The following CACNA2D3 variants were observed in gnomAD, a reference collection of about 807,000 sequenced individuals.
CACNA2D3 encodes the protein calcium voltage-gated channel auxiliary subunit alpha2delta 3.
In CACNA2D3, 60 loss-of-function variants were observed where a neutral mutation model predicts 160.6. The observed-to-expected ratio is 0.37, with a 90% CI of 0.30 to 0.46. CACNA2D3 has a LOEUF of 0.46. Among genes scored for constraint, CACNA2D3 ranks in the 20% least tolerant of loss-of-function variants. The pLI is 1.00. For missense variants in CACNA2D3, 1,205 were observed against 1,365.0 expected (o/e 0.88, Z 1.85); for synonymous variants, 558 against 492.9 (o/e 1.13, Z -1.75).
At chr3:54,963,361 G>T (rs1431375383) in intron 27 of CACNA2D3, among the ~76,000 whole-genome samples, 1 of 151,960 alleles carries the variant, frequency 6.6e-6, no homozygotes, top group Non-Finnish European at 1.5e-5. Flanking sequence ...GTTCCTTCTG[G>T]GATCACTGGT....
chr3:54,529,579 C>A (rs1270064250), intron 5 of CACNA2D3, among the ~76,000 whole-genome samples: 5 of 152,154 alleles, frequency 3.3e-5, no homozygotes, highest in Non-Finnish European at 5.9e-5. Flanking sequence ...ATGTTCCTCC[C>A]AGTTGCTGTG....
intron 12 of CACNA2D3, among the ~76,000 whole-genome samples, chr3:54,755,902 T>C (rs896626322): frequency 6.6e-6 from 1 of 152,206 alleles, no homozygotes; most frequent in South Asian, 2.1e-4. Flanking sequence ...TCATGGGTTA[T>C]TGTTTTTACC....
intron 3 of CACNA2D3, among the ~76,000 whole-genome samples, chr3:54,322,984 T>G (rs1704038786): frequency 6.6e-6 from 1 of 152,214 alleles, no homozygotes; most frequent in Non-Finnish European, 1.5e-5. Flanking sequence ...GTAATTACGC[T>G]TGATGCTCGA....
At chr3:54,837,310 CTT>C in intron 15 of CACNA2D3, 80 bp downstream of exon 15, 1 of 1,150,282 alleles carries the variant, frequency 8.7e-7, no homozygotes, top group African/African-American at 1.5e-5. Context: ...GCTCTGGTGA[CTT>C]TTGATTTTTA....
At chr3:54,641,986 T>C in intron 10 of CACNA2D3, 142 bp from the exon 11 acceptor site, 1 of 508,408 alleles carries the variant, frequency 2.0e-6, no homozygotes, top group Non-Finnish European at 3.5e-6. Context: ...GGAAAGACTT[T>C]TTGTATAGGT....
intron 27 of CACNA2D3, among the ~76,000 whole-genome samples, chr3:54,913,367 C>T (rs770624476): frequency 3.3e-5 from 5 of 152,170 alleles, no homozygotes; most frequent in South Asian, 2.1e-4. Context: ...TCCTAATTTC[C>T]GTGGCCCTCG....
chr3:54,538,915 C>T (rs180693607), intron 5 of CACNA2D3, among the ~76,000 whole-genome samples: 9 of 152,298 alleles, frequency 5.9e-5, no homozygotes, highest in Non-Finnish European at 1.5e-5. Flanking sequence ...ACGTTGGTTT[C>T]TGTCAATAAA....
chr3:55,022,780 A>G (rs1391867048), intron 35 of CACNA2D3, among the ~76,000 whole-genome samples: 2 of 148,144 alleles, frequency 1.4e-5, no homozygotes, highest in Non-Finnish European at 3.0e-5. Context: ...CCTTTTTACG[A>G]TGTTTCAATT....
chr3:54,385,720 C>T (rs1699176187), intron 3 of CACNA2D3, among the ~76,000 whole-genome samples: 1 of 151,982 alleles, frequency 6.6e-6, no homozygotes, highest in East Asian at 1.9e-4. Flanking sequence ...AATTTGTGAC[C>T]GTTTAGAGAT....
chr3:54,706,154 G>A (rs1379791566), intron 11 of CACNA2D3, among the ~76,000 whole-genome samples: 1 of 152,200 alleles, frequency 6.6e-6, no homozygotes, highest in Non-Finnish European at 1.5e-5. Context: ...AGACCCAGCA[G>A]TGCACTATTT....
intron 3 of CACNA2D3, chr3:54,385,895 T>C (rs1276635959): frequency 4.0e-6 from 2 of 502,742 alleles, no homozygotes; most frequent in East Asian, 5.5e-5. Context: ...TAGTTTGATA[T>C]AATTTCAGTG....
intron 3 of CACNA2D3, among the ~76,000 whole-genome samples, chr3:54,332,739 G>A (rs1003780148): frequency 5.3e-5 from 8 of 152,132 alleles, no homozygotes; most frequent in African/African-American, 1.7e-4. Flanking sequence ...ACCTTCATTC[G>A]TCCAAGGCCT....
At chr3:54,852,379 T>C (rs1179297067) in intron 17 of CACNA2D3, among the ~76,000 whole-genome samples, 1 of 152,246 alleles carries the variant, frequency 6.6e-6, no homozygotes, top group East Asian at 1.9e-4. Context: ...ACCTGAGCAC[T>C]TAGGTCATCT....
At chr3:54,601,021 G>A (rs1193503773) in intron 9 of CACNA2D3, among the ~76,000 whole-genome samples, 2 of 152,114 alleles carry the variant, frequency 1.3e-5, no homozygotes, top group Non-Finnish European at 2.9e-5. Context: ...GATCCAGAGT[G>A]GCTAACCAAG....
intron 3 of CACNA2D3, among the ~76,000 whole-genome samples, chr3:54,376,613 T>C (rs6445649): frequency 0.89 from 135,615 of 152,182 alleles, 60,659 homozygotes; most frequent in African/African-American, 0.97. Context: ...TATTTGCCTC[T>C]TCTCCCAACT....
intron 2 of CACNA2D3, among the ~76,000 whole-genome samples, chr3:54,216,303 G>A (rs1344057498): frequency 2.0e-5 from 3 of 152,222 alleles, no homozygotes; most frequent in African/African-American, 4.8e-5. Context: ...CAATCTTCTT[G>A]CAATAATACA....
intron 9 of CACNA2D3, among the ~76,000 whole-genome samples, chr3:54,591,828 C>T (rs141278438): frequency 4.0e-3 from 403 of 101,840 alleles, no homozygotes; most frequent in African/African-American, 0.013. Flanking sequence ...GTAGAACTCG[C>T]GGTGTGATCA....
chr3:54,413,552 C>T (rs935940627), intron 4 of CACNA2D3, among the ~76,000 whole-genome samples: 9 of 150,558 alleles, frequency 6.0e-5, no homozygotes, highest in African/African-American at 1.9e-4. Context: ...TTTATATTTC[C>T]TTCTGGAACT....
chr3:54,897,239 G>A (rs1483390492), intron 26 of CACNA2D3, among the ~76,000 whole-genome samples: 1 of 152,024 alleles, frequency 6.6e-6, no homozygotes, highest in Non-Finnish European at 1.5e-5. Context: ...CCCTGCAGAG[G>A]TCCACTGTTC....
Sources: gnomAD v4.1 joint callset for allele counts (sites outside exome capture counted in the v4.1 genomes callset) on GRCh38, gnomAD v4.1.1 for gene constraint, MANE v1.5 for transcripts, NCBI Gene and HGNC (gene_info 2026-07-23, HGNC 2026-07-21) for gene names.